Variants in TMEM223 observed in about 807,000 individuals in gnomAD.
The protein encoded by TMEM223 is transmembrane protein 223.
TMEM223 carries 14 observed loss-of-function variants against 14.1 expected under a neutral mutation model. That is an observed-to-expected ratio of 0.99 (90% confidence interval 0.66 to 1.55). The LOEUF is 1.55. TMEM223 is among the 40% of genes most tolerant of loss of function. The pLI is 0.00. For missense variants in TMEM223, 346 were observed against 269.9 expected (o/e 1.28, Z -1.97); for synonymous variants, 145 against 120.5 (o/e 1.20, Z -1.33).
At chr11:62,785,225 A>G (rs1590938479), downstream of TMEM223, among the ~76,000 whole-genome samples, 1 of 149,320 alleles carries the variant, frequency 6.7e-6, no homozygotes, top group Non-Finnish European at 1.5e-5. Flanking sequence ...AGAGTCTCAC[A>G]CTGTCACCCA....
chr11:62,777,840 C>A, intron 1 of TMEM223: 2 of 1,045,962 alleles, frequency 1.9e-6, no homozygotes, highest in Non-Finnish European at 2.7e-6. Context: ...GAGTCCCAGG[C>A]TTCCACCACT....
downstream of TMEM223, chr11:62,787,042 C>A: frequency 2.0e-6 from 3 of 1,518,430 alleles, no homozygotes; most frequent in South Asian, 1.2e-5. Context: ...GCAGCAGGGC[C>A]CCGGGACCGG....
chr11:62,791,901 G>T lies in TMEM223; in HGVS notation c.94C>A (p.Arg32=), dbSNP rs769553812. ...TCATGCTCAAAGAGCAGCACATCCC[G>T]TTGCAGCGTCGTGCCTTGCAGGGGC... ...CRPLQGTTLQ[R]DVLLFEHDRG... is the part of the protein sequence containing the mutation. The change falls in exon 1 of 2, where the codon CGG becomes AGG. Residue 32 remains arginine, a synonymous_variant. Coordinates refer to ENST00000307366, the MANE Select transcript of TMEM223 (RefSeq NM_001080501.3). The T allele has an allele frequency of 1.2e-6, 2 of 1,600,788 alleles. No individual in the cohort carries two copies. The highest frequency in any genetic ancestry group is 1.7e-5 in the Admixed American group (1 of 58,038).
chr11:62,774,653 A>T (rs2084172246), exon 2 of TMEM223: 1 of 454,978 alleles, frequency 2.2e-6, no homozygotes, highest in Non-Finnish European at 4.4e-6. Context: ...TCGGTTTCTT[A>T]TTGTGCTATA....
At chr11:62,775,953 T>TA (rs754658111) in intron 1 of TMEM223, 2 of 1,580,844 alleles carry the variant, frequency 1.3e-6, no homozygotes, top group African/African-American at 2.7e-5. Flanking sequence ...CACCCCCTGA[T>TA]ACCTCCAACT....
At position 62,791,928 on chromosome 11, in the gene TMEM223, G is replaced by A. The variant is rs577296351; in HGVS notation, c.67C>T (p.Arg23Trp). ...LAVLRPLLTC[R>W]PLQGTTLQRD... Reference sequence around the variant, plus strand: ...TGCAGCGTCGTGCCTTGCAGGGGCCGGCAGGTGAGCAGGGGCCGCAGCACG... The same window carrying A: ...TGCAGCGTCGTGCCTTGCAGGGGCCAGCAGGTGAGCAGGGGCCGCAGCACG... The change falls in exon 1 of 2, where the codon CGG becomes TGG. Residue 23 changes from arginine to tryptophan, a missense_variant. Coordinates refer to ENST00000307366, the MANE Select transcript of TMEM223 (RefSeq NM_001080501.3). 6 of 1,597,778 alleles carry A rather than the reference G, an allele frequency of 3.8e-6. No homozygotes were observed. The highest frequency in any genetic ancestry group is 2.7e-5 in the African/African-American group (2 of 74,726).
chr11:62,778,946 G>T, intron 1 of TMEM223: 1 of 1,613,586 alleles, frequency 6.2e-7, no homozygotes, highest in East Asian at 2.2e-5. Flanking sequence ...GCTAGGGGAT[G>T]ATCCGCAACT....
chr11:62,786,282 C>G (rs1273586423), downstream of TMEM223: 2 of 1,613,894 alleles, frequency 1.2e-6, no homozygotes, highest in East Asian at 4.5e-5. Context: ...GTCCTGTACC[C>G]ACACCTGTCC....
At position 62,790,745 on chromosome 11, in the gene TMEM223, C is replaced by G; in HGVS notation, c.487G>C (p.Val163Leu). ...ACTTTCAGAGGTAGCATGGCAGGGA[C>G]TTCACCCCGGTGGGCCATGCAAGAT... is the stretch of plus-strand genomic sequence containing the variant. Reference protein sequence around the residue: ...QVSCMAHRGEVPAMLPLKVKG... With the variant: ...QVSCMAHRGELPAMLPLKVKG... The change falls in exon 2 of 2, where the codon GTC becomes CTC. Residue 163 changes from valine to leucine, a missense_variant. Coordinates refer to ENST00000307366, the MANE Select transcript of TMEM223 (RefSeq NM_001080501.3). 6.2e-7 allele frequency: 1 copy of G among 1,610,872 alleles called. No individual in the cohort carries two copies. The highest frequency in any genetic ancestry group is 8.5e-7 in the Non-Finnish European group (1 of 1,178,488).
At chr11:62,788,399 C>T (rs181438401), downstream of TMEM223, among the ~76,000 whole-genome samples, 17 of 150,686 alleles carry the variant, frequency 1.1e-4, no homozygotes, top group Admixed American at 4.0e-4. Flanking sequence ...GAATCTCCAT[C>T]GCAAAAACAA....
chr11:62,772,782 A>C (rs1371734179), intron 2 of TMEM223, among the ~76,000 whole-genome samples: 1 of 149,502 alleles, frequency 6.7e-6, no homozygotes, highest in Non-Finnish European at 1.5e-5. Context: ...TGGGTGACAG[A>C]GTGAGACATC....
chr11:62,789,483 G>T, downstream of TMEM223: 1 of 1,609,838 alleles, frequency 6.2e-7, no homozygotes, highest in South Asian at 1.1e-5. Context: ...TCTGCAGCGG[G>T]GTCCTATAAT....
At chr11:62,772,461 TGTA>T (rs1419148081) in intron 2 of TMEM223, among the ~76,000 whole-genome samples, 3 of 150,016 alleles carry the variant, frequency 2.0e-5, no homozygotes, top group African/African-American at 7.4e-5. Flanking sequence ...AGGCAGAGGT[TGTA>T]GTGAGCCGAG....
intron 1 of TMEM223, among the ~76,000 whole-genome samples, chr11:62,775,240 A>T (rs914641256): frequency 6.6e-6 from 1 of 152,186 alleles, no homozygotes; most frequent in African/African-American, 2.4e-5. Flanking sequence ...AAAGCTCTTT[A>T]TAAAACCATT....
rs2084347506 is a variant in TMEM223 at position 62,790,446 on chromosome 11, T to G, written c.*177A>C. ...TAAGATTGGCGTTTTTTTTTGTTTT[T>G]TTTTTTGTAAATAGAGACAAGGTCT... is the stretch of plus-strand genomic sequence containing the variant. On this transcript the variant is annotated 3_prime_UTR_variant, in exon 2 of 2. Coordinates refer to ENST00000307366, the MANE Select transcript of TMEM223 (RefSeq NM_001080501.3). 1 of 619,036 alleles carries G rather than the reference T, an allele frequency of 1.6e-6. No homozygotes were observed. Among genetic ancestry groups the G allele is most frequent in the Non-Finnish European group, 2.7e-6 (1 of 372,630 alleles). 38.3% of individuals were successfully genotyped at this position (619,036 alleles called of 1,614,324 possible).
intron 1 of TMEM223, chr11:62,775,978 C>A: frequency 6.4e-7 from 1 of 1,562,580 alleles, no homozygotes; most frequent in Non-Finnish European, 8.7e-7. Context: ...TTGTTTCTGC[C>A]TTTTTACTAA....
At chr11:62,782,753 C>A (rs767522703), downstream of TMEM223, 1 of 1,613,022 alleles carries the variant, frequency 6.2e-7, no homozygotes, top group South Asian at 1.1e-5. Context: ...TGCAGAAGAT[C>A]CTGGCAGATC....
Position 62,791,807 on chromosome 11 carries a change from G to C in TMEM223, c.188C>G (p.Ala63Gly), listed in dbSNP as rs1004925307. ...AGQGVFWASMAVAAVSRPPVP... is the reference protein window; with the variant it reads ...AGQGVFWASMGVAAVSRPPVP... ...CGGGGGCCGGGACACGGCTGCCACA[G>C]CCATGGAAGCCCAGAAGACGCCCTG... The change falls in exon 1 of 2, where the codon GCT becomes GGT. Residue 63 changes from alanine to glycine, a missense_variant. Physicochemically the swap from Ala to Gly is moderately conservative, Grantham distance 60. Coordinates refer to ENST00000307366, the MANE Select transcript of TMEM223 (RefSeq NM_001080501.3). 45 of 1,580,580 alleles carry C rather than the reference G, an allele frequency of 2.8e-5. No individual in the cohort carries two copies. The Admixed American group carries it at 8.3e-4, about 29-fold the overall frequency.
chr11:62,787,363 G>A, downstream of TMEM223: 1 of 1,538,332 alleles, frequency 6.5e-7, no homozygotes, highest in Non-Finnish European at 8.7e-7. Flanking sequence ...ACCTTCGTGG[G>A]TCGCGCCGGA....
Sources: gnomAD v4.1 joint callset for allele counts (sites outside exome capture counted in the v4.1 genomes callset) on GRCh38, gnomAD v4.1.1 for gene constraint, MANE v1.5 for transcripts, NCBI Gene and HGNC (gene_info 2026-07-23, HGNC 2026-07-21) for gene names.